Variants in LPIN1 observed in about 807,000 individuals in gnomAD.
The protein encoded by LPIN1 is lipin 1.
A neutral mutation model predicts 107.5 loss-of-function variants in LPIN1; 71 were observed. The ratio of observed to expected loss-of-function variants is 0.66; its 90% CI spans 0.55 to 0.80. LPIN1 has a LOEUF of 0.80. Ranked by LOEUF, LPIN1 falls within the 30% of genes least tolerant of loss-of-function variation. LPIN1 has a pLI of 0.00. For synonymous variants in LPIN1, 445 were observed against 452.6 expected (o/e 0.98, Z 0.21); for missense variants, 1,043 against 1,160.6 (o/e 0.90, Z 1.47).
At chr2:11,716,241 A>G (rs911922158) in intron 2 of LPIN1, among the ~76,000 whole-genome samples, 2 of 152,088 alleles carry the variant, frequency 1.3e-5, no homozygotes, top group Non-Finnish European at 2.9e-5. Context: ...CTTCCAACCC[A>G]CACCTCTCCT....
chr2:11,746,782 C>A, intron 1 of LPIN1, 111 bp downstream of exon 1: 1 of 483,956 alleles, frequency 2.1e-6, no homozygotes, highest in Non-Finnish European at 2.7e-6. Flanking sequence ...GAGGCGGGGG[C>A]TCGGCCCCGG....
chr2:11,691,464 T>C (rs111779016), intron 1 of LPIN1, among the ~76,000 whole-genome samples: 23 of 152,282 alleles, frequency 1.5e-4, no homozygotes, highest in African/African-American at 5.3e-4. Context: ...CCGTGTCCCA[T>C]CTATGCTTTC....
upstream of LPIN1, chr2:11,745,960 G>C (rs1200262102): frequency 6.6e-6 from 1 of 152,290 alleles, no homozygotes; most frequent in East Asian, 1.9e-4. Context: ...TTCACCACCA[G>C]ACGTTATGTG....
At chr2:11,764,074 G>GTATATATA (rs1337586691) in intron 1 of LPIN1, 1 of 75,704 alleles carries the variant, frequency 1.3e-5, no homozygotes, top group African/African-American at 5.5e-5. Flanking sequence ...GTGTGTGTGT[G>GTATATATA]TGTGTATATA....
chr2:11,812,909 G>C (rs1679926086), intron 17 of LPIN1, among the ~76,000 whole-genome samples: 1 of 151,842 alleles, frequency 6.6e-6, no homozygotes. Flanking sequence ...GCACTGGGTG[G>C]TGCCGAGGGT....
chr2:11,779,403 G>C lies in LPIN1; in HGVS notation c.831-116G>C, dbSNP rs1032073174. On this transcript the variant is annotated intron_variant, in intron 6 of 20. Coordinates refer to ENST00000674199, the MANE Select transcript of LPIN1 (RefSeq NM_001349206.2). ...GGGATTTGTCATGAGGCTCCGCTCA[G>C]AGCGAACGACAGCTGGGGGTGCATT... The C allele has an allele frequency of 4.4e-6, 5 of 1,133,686 alleles. No individual in the cohort carries two copies. The African/African-American group carries it at 6.2e-5, about 14-fold the overall frequency. The allele number at this position is 1,133,686 out of a possible 1,614,324, so 70.2% of individuals were successfully genotyped here. A position where few individuals can be genotyped will look rare whatever the true frequency, so the allele number is the denominator to read the frequency against.
At chr2:11,789,267 T>TTGTG (rs143296871) in intron 12 of LPIN1, among the ~76,000 whole-genome samples, 3 of 151,594 alleles carry the variant, frequency 2.0e-5, no homozygotes, top group Admixed American at 6.6e-5. Flanking sequence ...CTTCCTGGGT[T>TTGTG]TGTGTGTGTG....
At chr2:11,702,453 C>G (rs1662920907) in intron 1 of LPIN1, among the ~76,000 whole-genome samples, 2 of 152,140 alleles carry the variant, frequency 1.3e-5, no homozygotes, top group Admixed American at 1.3e-4. Flanking sequence ...CACTCACAGA[C>G]AAGGCCTGGC....
intron 1 of LPIN1, among the ~76,000 whole-genome samples, chr2:11,706,352 A>G (rs1302067577): frequency 2.6e-5 from 4 of 152,356 alleles, no homozygotes; most frequent in Non-Finnish European, 4.4e-5. Context: ...CCCCATCCTC[A>G]TCCTTGGAAC....
At chr2:11,820,354 G>C in intron 19 of LPIN1, 57 bp from the exon 20 acceptor site, 2 of 1,164,920 alleles carry the variant, frequency 1.7e-6, no homozygotes, top group Admixed American at 3.4e-5. Context: ...CCATGGACTT[G>C]TTTTTACAAT....
intron 1 of LPIN1, among the ~76,000 whole-genome samples, chr2:11,755,943 G>C (rs568837106): frequency 1.3e-5 from 2 of 152,158 alleles, no homozygotes; most frequent in East Asian, 3.9e-4. Context: ...GGATGATCTC[G>C]GTCTCCTGAC....
rs894731398 is a variant in LPIN1, at chr2:11,784,418, T to G, written c.1359-468T>G. On this transcript the variant is annotated intron_variant, in intron 9 of 20. Transcript: ENST00000674199. ...TGCGGGTACTGGGCGGCGCCCCACC[T>G]CTGGACAGGGGCGCAGCACCGGGCT... 9.9e-6 allele frequency: 11 copies of G among 1,115,228 alleles called. No individual in the cohort carries two copies. In the African/African-American group the frequency reaches 1.8e-4, roughly 19 times the overall value. 69.1% of individuals were successfully genotyped at this position (1,115,228 alleles called of 1,614,324 possible). A position where few individuals can be genotyped will look rare whatever the true frequency, so the allele number is the denominator to read the frequency against.
At chr2:11,711,149 G>T (rs1315326218) in intron 1 of LPIN1, among the ~76,000 whole-genome samples, 2 of 152,110 alleles carry the variant, frequency 1.3e-5, no homozygotes, top group African/African-American at 2.4e-5. Flanking sequence ...TCCAACTATT[G>T]TACACAGAGA....
intron 1 of LPIN1, among the ~76,000 whole-genome samples, chr2:11,761,962 C>T (rs907164830): frequency 2.0e-5 from 3 of 152,134 alleles, no homozygotes; most frequent in Admixed American, 6.5e-5. Context: ...TCAATTCTGA[C>T]ACCATCTACC....
intron 1 of LPIN1, among the ~76,000 whole-genome samples, chr2:11,727,444 A>AT (rs1664777880): frequency 6.6e-6 from 1 of 151,944 alleles, no homozygotes; most frequent in African/African-American, 2.4e-5. Context: ...CTCATGTGGC[A>AT]TTTTGTCTAC....
intron 1 of LPIN1, among the ~76,000 whole-genome samples, chr2:11,748,001 G>T (rs1318225157): frequency 6.6e-6 from 1 of 152,204 alleles, no homozygotes; most frequent in South Asian, 2.1e-4. Context: ...ACCCACCCAG[G>T]TCTCGCTTAT....
At chr2:11,769,907 C>T (rs960638884) in intron 3 of LPIN1, among the ~76,000 whole-genome samples, 15 of 152,218 alleles carry the variant, frequency 9.9e-5, no homozygotes, top group African/African-American at 2.4e-4. Context: ...ATTGCAGCTT[C>T]GGGACAGAAC....
At chr2:11,799,805 C>G (rs1193291067) in intron 14 of LPIN1, among the ~76,000 whole-genome samples, 1 of 152,058 alleles carries the variant, frequency 6.6e-6, no homozygotes, top group Non-Finnish European at 1.5e-5. Context: ...ATAAAGAAAT[C>G]AAGGCTGAAA....
intron 17 of LPIN1, among the ~76,000 whole-genome samples, chr2:11,812,482 T>C (rs1318100745): frequency 6.6e-6 from 1 of 151,514 alleles, no homozygotes; most frequent in Admixed American, 6.6e-5. Context: ...AGAGGTGAGA[T>C]CCAGCAGAGA....
Sources: allele counts gnomAD v4.1 joint callset (sites outside exome capture counted in the v4.1 genomes callset), GRCh38; gene constraint gnomAD v4.1.1; transcripts MANE v1.5; gene names NCBI Gene and HGNC (gene_info 2026-07-23, HGNC 2026-07-21).